The following RASGRF2 variants were observed in gnomAD, a reference collection of about 807,000 sequenced individuals.
The protein encoded by RASGRF2 is Ras protein specific guanine nucleotide releasing factor 2.
Under a neutral mutation model 151.0 loss-of-function variants are expected in RASGRF2, and 76 were observed. That is an observed-to-expected ratio of 0.50 (90% confidence interval 0.42 to 0.61). The LOEUF (loss-of-function observed/expected upper bound fraction) is 0.61. Among genes scored for constraint, RASGRF2 ranks in the 20% least tolerant of loss-of-function variants. The pLI is 0.00. For missense variants in RASGRF2, 1,148 were observed against 1,564.6 expected (o/e 0.73, Z 4.49); for synonymous variants, 504 against 566.5 (o/e 0.89, Z 1.57).
chr5:81,196,462 G>A (rs990323228), intron 18 of RASGRF2, among the ~76,000 whole-genome samples: 2 of 152,188 alleles, frequency 1.3e-5, no homozygotes, highest in African/African-American at 2.4e-5. Flanking sequence ...CATTTGTCAT[G>A]CTTCAAATAG....
intron 17 of RASGRF2, among the ~76,000 whole-genome samples, chr5:81,177,995 A>G (rs1173811890): frequency 1.3e-5 from 2 of 152,230 alleles, no homozygotes; most frequent in African/African-American, 4.8e-5. Flanking sequence ...GGAGTTTTGT[A>G]TTTATCCTAA....
intron 1 of RASGRF2, among the ~76,000 whole-genome samples, chr5:81,038,249 A>T (rs1750566402): frequency 6.6e-6 from 1 of 152,158 alleles, no homozygotes; most frequent in Non-Finnish European, 1.5e-5. Flanking sequence ...AGGTGAGAGG[A>T]TATGTGCATC....
rs542763435 is a variant in RASGRF2 at position 81,227,043 on chromosome 5, A to C, written c.*1273A>C. The C allele has an allele frequency of 3.9e-5, 6 of 152,340 alleles. No individual in the cohort carries two copies. In the East Asian group the frequency reaches 1.2e-3, roughly 29 times the overall value. 9.4% of individuals were successfully genotyped at this position (152,340 alleles called of 1,614,324 possible). On this transcript the variant is annotated 3_prime_UTR_variant, in exon 27 of 27. Transcript: ENST00000265080. The stretch of plus-strand genomic sequence containing the variant: ...TTGTTTACCTCCCTCTTCTCTTCTC[A>C]GGGAGACTGCTGCTTTAAAAGAAGG...
intron 8 of RASGRF2, among the ~76,000 whole-genome samples, chr5:81,086,532 T>C (rs1200983479): frequency 2.0e-5 from 3 of 152,210 alleles, no homozygotes; most frequent in Admixed American, 6.5e-5. Context: ...AATGGCCCCC[T>C]AATCTCAATG....
intron 4 of RASGRF2, among the ~76,000 whole-genome samples, chr5:81,071,650 T>A (rs1027540531): frequency 2.0e-5 from 3 of 152,190 alleles, no homozygotes; most frequent in African/African-American, 4.8e-5. Flanking sequence ...TCTTAGAAAT[T>A]AATTTTTTTT....
chr5:81,225,604 G>T, intron 26 of RASGRF2, 74 bp from the exon 27 acceptor site: 1 of 1,534,948 alleles, frequency 6.5e-7, no homozygotes, highest in Non-Finnish European at 8.7e-7. Context: ...GTTGAATTGT[G>T]TTAGATTCCG....
intron 1 of RASGRF2, among the ~76,000 whole-genome samples, chr5:80,988,010 TG>T (rs1748529641): frequency 1.2e-3 from 33 of 27,608 alleles, no homozygotes; most frequent in African/African-American, 0.01. Context: ...TAAATGTGCG[TG>T]TGTGTGTGTG....
At chr5:81,007,243 T>A (rs1303039746) in intron 1 of RASGRF2, among the ~76,000 whole-genome samples, 2 of 152,200 alleles carry the variant, frequency 1.3e-5, no homozygotes, top group East Asian at 3.8e-4. Context: ...CCTCTACACT[T>A]TCATAATGCT....
In RASGRF2 at chr5:81,049,161, T is replaced by TAAA. The variant is rs3991140; in HGVS notation, c.395+6199_395+6201dup. 2.3e-3 allele frequency among the ~76,000 whole-genome samples: 264 copies of TAAA among 116,822 alleles called. 1 individual carries two copies. The highest frequency in any genetic ancestry group is 8.2e-3 in the African/African-American group (253 of 30,980). The allele number at this position is 116,822 out of a possible 152,430, so 76.6% of individuals were successfully genotyped here. A position where few individuals can be genotyped will look rare whatever the true frequency, so the allele number is the denominator to read the frequency against. ...CAGTAATACATAAAAGCAAGTTCCC[T>TAAA]AAAAAAAAAAAAAAAAAAAAAAATT... On this transcript the variant is annotated intron_variant, in intron 2 of 26. Coordinates refer to ENST00000265080, the MANE Select transcript of RASGRF2 (RefSeq NM_006909.3).
chr5:81,175,090 T>G (rs557622829), intron 17 of RASGRF2, among the ~76,000 whole-genome samples: 3 of 152,318 alleles, frequency 2.0e-5, no homozygotes, highest in Non-Finnish European at 2.9e-5. Context: ...TTCTCACACT[T>G]CTTAGTTCTG....
chr5:81,025,735 G>A (rs1000313971), intron 1 of RASGRF2, among the ~76,000 whole-genome samples: 13 of 152,208 alleles, frequency 8.5e-5, no homozygotes, highest in Middle Eastern at 6.8e-3. Context: ...TACATTGCCC[G>A]TTATATATAG....
At chr5:81,170,440 G>T (rs1402506873) in intron 17 of RASGRF2, among the ~76,000 whole-genome samples, 1 of 152,240 alleles carries the variant, frequency 6.6e-6, no homozygotes, top group Non-Finnish European at 1.5e-5. Context: ...GAAGCTTGGT[G>T]ATTTTGTCTA....
intron 1 of RASGRF2, among the ~76,000 whole-genome samples, chr5:81,021,220 G>T (rs62367399): frequency 1.3e-5 from 2 of 152,140 alleles, no homozygotes; most frequent in African/African-American, 4.8e-5. Context: ...AAGCAGATCT[G>T]ACAGCTCAGA....
rs565517654 is a variant in RASGRF2 at position 80,972,686 on chromosome 5, G to A, written c.288+11660G>A. 6.5e-4 allele frequency among the ~76,000 whole-genome samples: 99 copies of A among 152,080 alleles called. 1 individual carries two copies. The highest frequency in any genetic ancestry group is 2.2e-3 in the African/African-American group (91 of 41,502). ...GTAAAGACAGGGTTTCATCATGTTG[G>A]CCAGGCTGGTCTTGAACTCCTGACT... On this transcript the variant is annotated intron_variant, in intron 1 of 26. Transcript: ENST00000265080.
intron 22 of RASGRF2, among the ~76,000 whole-genome samples, chr5:81,210,972 C>G (rs1211919581): frequency 6.6e-6 from 1 of 151,934 alleles, no homozygotes; most frequent in African/African-American, 2.4e-5. Flanking sequence ...ATAGTGAGAC[C>G]CTGTCTTTAT....
intron 1 of RASGRF2, among the ~76,000 whole-genome samples, chr5:81,003,335 G>GCCTC (rs764020296): frequency 3.3e-5 from 5 of 149,716 alleles, no homozygotes; most frequent in Non-Finnish European, 5.9e-5. Flanking sequence ...CCATTGTCCT[G>GCCTC]CCTCAGCCTC....
chr5:81,043,080 A>G (rs1172982693), intron 2 of RASGRF2, 97 bp downstream of exon 2: 2 of 868,308 alleles, frequency 2.3e-6, no homozygotes, highest in East Asian at 2.7e-5. Context: ...TGCAACTCTA[A>G]GATGAGTTTT....
At chr5:81,039,015 T>C (rs899373508) in intron 1 of RASGRF2, among the ~76,000 whole-genome samples, 6 of 152,208 alleles carry the variant, frequency 3.9e-5, no homozygotes, top group African/African-American at 9.6e-5. Context: ...TTTTCAATCT[T>C]TTTTTATGAT....
chr5:81,179,428 G>A (rs759877870), intron 17 of RASGRF2, among the ~76,000 whole-genome samples: 3 of 152,218 alleles, frequency 2.0e-5, no homozygotes, highest in Non-Finnish European at 4.4e-5. Flanking sequence ...TTGCCAGGGT[G>A]GGAGAACAGT....
Sources: gnomAD v4.1 joint callset for allele counts (sites outside exome capture counted in the v4.1 genomes callset) on GRCh38, gnomAD v4.1.1 for gene constraint, MANE v1.5 for transcripts, NCBI Gene and HGNC (gene_info 2026-07-23, HGNC 2026-07-21) for gene names.